Variants in PIK3C2G observed in about 807,000 individuals in gnomAD.
The protein encoded by PIK3C2G is phosphatidylinositol 3-kinase C2 domain-containing subunit gamma.
PIK3C2G carries 168 observed loss-of-function variants against 181.1 expected under a neutral mutation model. That is an observed-to-expected ratio of 0.93 (90% CI 0.82 to 1.05). The LOEUF is 1.05. Ranked by LOEUF, PIK3C2G falls within the 50% of genes least tolerant of loss-of-function variation. The probability of loss-of-function intolerance (pLI) is 0.00; values close to 1 mark genes in which losing one functional copy is unlikely to be tolerated. For synonymous variants in PIK3C2G, 573 were observed against 592.2 expected (o/e 0.97, Z 0.47); for missense variants, 1,869 against 1,732.8 (o/e 1.08, Z -1.40).
Position 18,505,376 on chromosome 12 carries a change from A to G in PIK3C2G, c.3238A>G (p.Ile1080Val). 1 of 1,613,412 alleles carries G rather than the reference A, an allele frequency of 6.2e-7. No homozygotes were observed. The change falls in exon 24 of 33, where the codon ATC becomes GTC. Residue 1080 changes from isoleucine to valine, a missense_variant. Coordinates refer to ENST00000538779, the MANE Select transcript of PIK3C2G (RefSeq NM_001288772.2). ...LGVCDRHNDN[I>V]MLTKSGHMFH... is the part of the protein sequence containing the mutation. Reference sequence around the variant, plus strand: ...AGTATGTGACCGTCACAATGATAATATCATGCTGACAAAGTCGGGCCACAT... The same window carrying G: ...AGTATGTGACCGTCACAATGATAATGTCATGCTGACAAAGTCGGGCCACAT...
rs574745133 is a variant in PIK3C2G at position 18,606,185 on chromosome 12, C to A, written c.4088-3350C>A. On this transcript the variant is annotated intron_variant, in intron 30 of 32. Transcript: ENST00000538779. ...GAGCAAGAGGTGGAGGGAGAACTAT[C>A]ATCTTCAGTCAGTTCAAGTGGCAAT... 1.5e-3 allele frequency among the ~76,000 whole-genome samples: 228 copies of A among 152,216 alleles called. 2 individuals are homozygous for A. The highest frequency in any genetic ancestry group is 5.0e-3 in the African/African-American group (209 of 41,538).
At chr12:18,673,199 T>A in the PIK3C2G span, among the ~76,000 whole-genome samples, 1 of 152,248 alleles carries the variant, frequency 6.6e-6, no homozygotes. Flanking sequence ...CTGCCCCTCA[T>A]AAAGGGTACA....
intron 24 of PIK3C2G, among the ~76,000 whole-genome samples, chr12:18,534,630 C>T (rs1474419929): frequency 6.6e-6 from 1 of 150,408 alleles, no homozygotes; most frequent in African/African-American, 2.4e-5. Flanking sequence ...GATGTTAAGA[C>T]TATATAAAAG....
At chr12:18,622,161 A>T (rs1033090319) in intron 31 of PIK3C2G, among the ~76,000 whole-genome samples, 1 of 151,830 alleles carries the variant, frequency 6.6e-6, no homozygotes, top group Non-Finnish European at 1.5e-5. Context: ...AAAAATACCC[A>T]TATTTCTCTT....
chr12:18,508,192 G>T (rs1264284595), intron 24 of PIK3C2G, among the ~76,000 whole-genome samples: 1 of 152,154 alleles, frequency 6.6e-6, no homozygotes, highest in Non-Finnish European at 1.5e-5. Context: ...ATGGATTATT[G>T]TTTCTAAGAT....
upstream of PIK3C2G, among the ~76,000 whole-genome samples, chr12:18,260,799 C>A (rs1040343229): frequency 1.3e-5 from 2 of 152,058 alleles, no homozygotes; most frequent in Admixed American, 1.3e-4. Flanking sequence ...CTACTTCTGG[C>A]AGATCCTATT....
chr12:18,496,900 G>A (rs1941059260), intron 21 of PIK3C2G, among the ~76,000 whole-genome samples: 1 of 151,904 alleles, frequency 6.6e-6, no homozygotes, highest in Admixed American at 6.6e-5. Context: ...TTCATGAAGG[G>A]GAAAAAAGAA....
At chr12:18,579,375 A>T (rs1422980278) in intron 29 of PIK3C2G, among the ~76,000 whole-genome samples, 1 of 152,242 alleles carries the variant, frequency 6.6e-6, no homozygotes, top group African/African-American at 2.4e-5. Context: ...ATTCTTAATT[A>T]TAAGCAGTCT....
intron 2 of PIK3C2G, among the ~76,000 whole-genome samples, 198 bp downstream of exon 2, chr12:18,282,957 AT>A (rs1949286575): frequency 1.4e-5 from 1 of 72,398 alleles, no homozygotes. Flanking sequence ...TAAAAAAAAA[AT>A]CATCTATAAA....
chr12:18,709,652 T>C, the PIK3C2G span, among the ~76,000 whole-genome samples: 540 of 152,144 alleles, frequency 3.5e-3, 5 homozygotes, highest in African/African-American at 0.013. Flanking sequence ...AAGGCCAAGA[T>C]GAGAGGATCT....
At chr12:18,516,265 T>TG (rs1247017923) in intron 24 of PIK3C2G, among the ~76,000 whole-genome samples, 1 of 151,706 alleles carries the variant, frequency 6.6e-6, no homozygotes, top group Non-Finnish European at 1.5e-5. Flanking sequence ...CTGATGGTTT[T>TG]TTTTTTTTTT....
intron 1 of PIK3C2G, among the ~76,000 whole-genome samples, chr12:18,280,176 GT>G (rs1395726916): frequency 6.6e-6 from 1 of 151,998 alleles, no homozygotes; most frequent in Non-Finnish European, 1.5e-5. Flanking sequence ...GTTTTAAAAA[GT>G]TTATTAAATA....
chr12:18,537,986 G>A (rs1943947778), intron 24 of PIK3C2G, among the ~76,000 whole-genome samples, 170 bp from the exon 25 acceptor site: 1 of 151,672 alleles, frequency 6.6e-6, no homozygotes, highest in Non-Finnish European at 1.5e-5. Context: ...GTTATTCAAA[G>A]CCTACAATTA....
chr12:18,295,396 G>A (rs1259090705), intron 5 of PIK3C2G, among the ~76,000 whole-genome samples: 1 of 151,834 alleles, frequency 6.6e-6, no homozygotes, highest in Non-Finnish European at 1.5e-5. Context: ...TTTTCTTGAT[G>A]CCAAAACATT....
At chr12:18,478,132 T>A (rs747824852) in intron 18 of PIK3C2G, among the ~76,000 whole-genome samples, 6 of 152,118 alleles carry the variant, frequency 3.9e-5, no homozygotes, top group East Asian at 1.9e-4. Flanking sequence ...AGAAATTTTT[T>A]AAAAAAAGGA....
intron 10 of PIK3C2G, 106 bp from the exon 11 acceptor site, chr12:18,346,535 T>C: frequency 1.5e-6 from 1 of 649,748 alleles, no homozygotes; most frequent in Non-Finnish European, 2.6e-6. Context: ...GTCACTTTAA[T>C]TAAAATTATT....
intron 21 of PIK3C2G, 46 bp from the exon 22 acceptor site, chr12:18,497,571 TAA>T: frequency 6.6e-7 from 1 of 1,522,386 alleles, no homozygotes; most frequent in Non-Finnish European, 9.0e-7. Flanking sequence ...TGCTTTTAAT[TAA>T]CAAATTCAAG....
At chr12:18,425,250 A>G (rs948658069) in intron 18 of PIK3C2G, 8 of 153,200 alleles carry the variant, frequency 5.2e-5, no homozygotes, top group African/African-American at 1.7e-4. Flanking sequence ...CAGGAAAACC[A>G]GAATGAAATA....
intron 5 of PIK3C2G, among the ~76,000 whole-genome samples, chr12:18,304,309 T>C (rs971968718): frequency 1.3e-5 from 2 of 152,158 alleles, no homozygotes; most frequent in African/African-American, 4.8e-5. Context: ...CAGGCTGGAG[T>C]GCAGTGGCAC....
Sources: gnomAD v4.1 joint callset for allele counts (sites outside exome capture counted in the v4.1 genomes callset) on GRCh38, gnomAD v4.1.1 for gene constraint, MANE v1.5 for transcripts, NCBI Gene and HGNC (gene_info 2026-07-23, HGNC 2026-07-21) for gene names.